Variants in RBFOX2 observed in about 807,000 individuals in gnomAD.
RBFOX2 encodes RNA binding protein fox-1 homolog 2.
RBFOX2 carries 10 observed loss-of-function variants against 49.1 expected under a neutral mutation model. The ratio of observed to expected loss-of-function variants is 0.20; its 90% CI spans 0.13 to 0.35. The LOEUF (loss-of-function observed/expected upper bound fraction) is 0.35. Among genes scored for constraint, RBFOX2 ranks in the 10% least tolerant of loss-of-function variants. RBFOX2 has a pLI of 1.00. For missense variants in RBFOX2, 323 were observed against 486.9 expected (o/e 0.66, Z 3.17); for synonymous variants, 183 against 187.4 (o/e 0.98, Z 0.19).
At chr22:35,770,186 A>C (rs1481254901) in intron 4 of RBFOX2, among the ~76,000 whole-genome samples, 2 of 152,180 alleles carry the variant, frequency 1.3e-5, no homozygotes, top group Non-Finnish European at 2.9e-5. Context: ...CCAGTTCTCT[A>C]ATCCTAGTGA....
chr22:36,009,575 G>A (rs1286938867), intron 1 of RBFOX2, among the ~76,000 whole-genome samples: 6 of 151,794 alleles, frequency 4.0e-5, no homozygotes, highest in African/African-American at 7.3e-5. Context: ...TTTTTGTAAA[G>A]GCGGGGTTTC....
At chr22:35,810,112 A>G in intron 1 of RBFOX2, 108 bp from the exon 3 acceptor site, 1 of 1,063,804 alleles carries the variant, frequency 9.4e-7, no homozygotes, top group Non-Finnish European at 1.4e-6. Context: ...CTGCATAGGT[A>G]AAATGGAATG....
intron 1 of RBFOX2, among the ~76,000 whole-genome samples, chr22:35,881,278 A>AG (rs2045862053): frequency 7.1e-6 from 1 of 140,676 alleles, no homozygotes; most frequent in East Asian, 2.2e-4. Context: ...GGCAGGGAGG[A>AG]GGGGGAAGAA....
chr22:35,963,997 C>T (rs1215680392), upstream of RBFOX2, among the ~76,000 whole-genome samples: 4 of 152,198 alleles, frequency 2.6e-5, no homozygotes, highest in African/African-American at 9.6e-5. Flanking sequence ...TTCCACACCT[C>T]GGCCTTCCAA....
intron 2 of RBFOX2, among the ~76,000 whole-genome samples, chr22:35,789,615 T>C (rs947700257): frequency 6.6e-6 from 1 of 152,188 alleles, no homozygotes; most frequent in Non-Finnish European, 1.5e-5. Flanking sequence ...AAGTTTTTCA[T>C]TTTGTTGCCA....
chr22:35,910,297 C>T (rs188759199), intron 1 of RBFOX2, among the ~76,000 whole-genome samples: 4 of 152,164 alleles, frequency 2.6e-5, no homozygotes, highest in African/African-American at 7.2e-5. Context: ...TTGAGAAACA[C>T]GGTTTAAGCA....
chr22:35,800,430 G>GA (rs1949559514), intron 2 of RBFOX2, among the ~76,000 whole-genome samples: 1 of 152,120 alleles, frequency 6.6e-6, no homozygotes, highest in African/African-American at 2.4e-5. Flanking sequence ...ATACTCAACT[G>GA]ACACTTATTC....
At chr22:35,877,016 T>C (rs1603430780) in intron 1 of RBFOX2, among the ~76,000 whole-genome samples, 5 of 152,180 alleles carry the variant, frequency 3.3e-5, no homozygotes, top group Admixed American at 3.3e-4. Context: ...TCTGTAGATT[T>C]AGAGGAAGGA....
At chr22:36,028,387 G>A (rs1412232833) in exon 1 of RBFOX2, 20 of 1,279,788 alleles carry the variant, frequency 1.6e-5, no homozygotes, top group South Asian at 1.1e-4. Context: ...CGCCGGGCCC[G>A]AGCTGAGGCG....
rs538890842 is a variant in RBFOX2, at chr22:35,953,119, G to A, written c.42+8444C>T. Among the ~76,000 whole-genome samples the A allele has an allele frequency of 4.7e-5, 7 of 149,600 alleles. No individual in the cohort carries two copies. The South Asian group carries it at 1.5e-3, about 32-fold the overall frequency. ...CCAGCTGCTTGGGAGGCTGAGGCAGGAGAATGGCATGAACTTGGGAGGCAG... is the reference window on the plus strand; with the variant it reads ...CCAGCTGCTTGGGAGGCTGAGGCAGAAGAATGGCATGAACTTGGGAGGCAG... On this transcript the variant is annotated intron_variant, in intron 1 of 5. Coordinates refer to the RBFOX2 transcript ENST00000408983.
At chr22:35,952,386 C>A (rs1002246397) in intron 1 of RBFOX2, among the ~76,000 whole-genome samples, 3 of 152,016 alleles carry the variant, frequency 2.0e-5, no homozygotes, top group Non-Finnish European at 2.9e-5. Context: ...TCTTGGAGAC[C>A]CCCCAAAAAA....
chr22:35,760,971 T>C (rs1938596950), intron 8 of RBFOX2, among the ~76,000 whole-genome samples: 1 of 152,260 alleles, frequency 6.6e-6, no homozygotes. Flanking sequence ...ATTCTTCATA[T>C]GCCCTTACCC....
chr22:35,777,975 A>T, intron 4 of RBFOX2, 50 bp downstream of exon 5: 1 of 1,519,648 alleles, frequency 6.6e-7, no homozygotes, highest in Non-Finnish European at 9.0e-7. Flanking sequence ...TTAAAATAAC[A>T]TAAAACTCAA....
chr22:35,876,707 C>A (rs113751450), intron 1 of RBFOX2, among the ~76,000 whole-genome samples: 1 of 142,494 alleles, frequency 7.0e-6, no homozygotes. Flanking sequence ...AAGAAACACA[C>A]ACACACACAC....
At chr22:35,907,325 T>C (rs891622779) in intron 1 of RBFOX2, among the ~76,000 whole-genome samples, 1 of 152,260 alleles carries the variant, frequency 6.6e-6, no homozygotes, top group Non-Finnish European at 1.5e-5. Context: ...TGGAACTTCC[T>C]GGAAGTTTTC....
At chr22:35,789,909 TGGGAA>T (rs1947255294) in intron 2 of RBFOX2, among the ~76,000 whole-genome samples, 1 of 152,148 alleles carries the variant, frequency 6.6e-6, no homozygotes, top group Non-Finnish European at 1.5e-5. Context: ...CTAAAAAATT[TGGGAA>T]GTCTGAGTGG....
At position 35,749,800 on chromosome 22, in the gene RBFOX2, TA is replaced by T. The variant is rs752568405; in HGVS notation, c.888-3240del. Among the ~76,000 whole-genome samples, 14 of 152,078 alleles carry T rather than the reference TA, an allele frequency of 9.2e-5. No homozygotes were observed. Among genetic ancestry groups the T allele is most frequent in the Non-Finnish European group, 1.9e-4 (13 of 68,014 alleles). On this transcript the variant is annotated intron_variant, in intron 9 of 11. Transcript: ENST00000405409. This position sits in a 1 kb window ranked among gnomAD's most constrained non-coding sequence, Gnocchi z 4.1. ...AAAAAGAACAAGGGTGGGAAGGAGGTAGAAGAGACAGGGTTCAGGCGTGGGG... is the reference window on the plus strand; with the variant it reads ...AAAAAGAACAAGGGTGGGAAGGAGGTGAAGAGACAGGGTTCAGGCGTGGGG...
chr22:35,748,352 A>C (rs1046357769), intron 9 of RBFOX2: 1 of 152,214 alleles, frequency 6.6e-6, no homozygotes, highest in Non-Finnish European at 1.5e-5. Context: ...ATGAATGGGA[A>C]CATGGCAGGA....
chr22:35,885,843 ATTTTT>A (rs538674450), intron 1 of RBFOX2, among the ~76,000 whole-genome samples: 8 of 83,152 alleles, frequency 9.6e-5, no homozygotes, highest in African/African-American at 3.7e-4. Context: ...CCCAAACCTA[ATTTTT>A]TTTTTTTTTT....
Sources: gnomAD v4.1 joint callset for allele counts (sites outside exome capture counted in the v4.1 genomes callset) on GRCh38, gnomAD v4.1.1 for gene constraint, Gnocchi (gnomAD v3.1) non-coding constraint, MANE v1.5 for transcripts, NCBI Gene and HGNC (gene_info 2026-07-23, HGNC 2026-07-21) for gene names.